PRKG1: variants seen among roughly 807,000 people sequenced by gnomAD.
The protein encoded by PRKG1 is cGMP-dependent protein kinase 1.
In PRKG1, 35 loss-of-function variants were observed where a neutral mutation model predicts 88.1. That is an observed-to-expected ratio of 0.40 (90% CI 0.30 to 0.53). The LOEUF (loss-of-function observed/expected upper bound fraction) is 0.53. PRKG1 is among the 20% of genes least tolerant of loss of function. The pLI is 0.59. For synonymous variants in PRKG1, 303 were observed against 292.5 expected, an observed-to-expected ratio of 1.04 and a Z score of -0.37; for missense variants, 540 against 839.8, an observed-to-expected ratio of 0.64 and a Z score of 4.41.
intron 2 of PRKG1, among the ~76,000 whole-genome samples, chr10:51,205,789 C>A (rs906204038): frequency 6.6e-6 from 1 of 152,174 alleles, no homozygotes; most frequent in South Asian, 2.1e-4. Flanking sequence ...CTGCCTCAGC[C>A]TCCCAAAGTG....
intron 9 of PRKG1, among the ~76,000 whole-genome samples, chr10:52,167,528 C>A (rs1350564664): frequency 6.6e-6 from 1 of 151,792 alleles, no homozygotes; most frequent in Non-Finnish European, 1.5e-5. Context: ...AGCTGACAAC[C>A]CAATGAATAG....
chr10:51,400,614 T>C (rs545460202), intron 2 of PRKG1, among the ~76,000 whole-genome samples: 1 of 152,308 alleles, frequency 6.6e-6, no homozygotes, highest in Non-Finnish European at 1.5e-5. Flanking sequence ...AGTAAACAAA[T>C]TGTAACTATA....
chr10:52,237,929 G>A (rs1473976972), intron 9 of PRKG1, among the ~76,000 whole-genome samples: 1 of 138,066 alleles, frequency 7.2e-6, no homozygotes, highest in Admixed American at 7.5e-5. Context: ...ATACTGCAAG[G>A]CTACAGTAAC....
chr10:52,099,351 T>C (rs1847245086), intron 7 of PRKG1, among the ~76,000 whole-genome samples: 1 of 152,162 alleles, frequency 6.6e-6, no homozygotes, highest in Non-Finnish European at 1.5e-5. Context: ...TGAGTCATTC[T>C]TTTACAGAAG....
At chr10:51,272,837 T>C (rs1330377550) in intron 2 of PRKG1, among the ~76,000 whole-genome samples, 1 of 152,148 alleles carries the variant, frequency 6.6e-6, no homozygotes, top group African/African-American at 2.4e-5. Context: ...TTAGCATAAA[T>C]AGGATCCATC....
At chr10:51,688,585 T>TTA (rs554020661) in intron 3 of PRKG1, among the ~76,000 whole-genome samples, 6 of 140,322 alleles carry the variant, frequency 4.3e-5, no homozygotes, top group Non-Finnish European at 9.1e-5. Context: ...TTTTTTTTTT[T>TTA]AGTGAAACAA....
chr10:52,033,245 T>A (rs1301278887), intron 5 of PRKG1, among the ~76,000 whole-genome samples: 1 of 152,296 alleles, frequency 6.6e-6, no homozygotes, highest in African/African-American at 2.4e-5. Context: ...AATGAGAAGA[T>A]TGCCTGGTGA....
At chr10:51,105,183 T>C (rs1328435870) in intron 1 of PRKG1, among the ~76,000 whole-genome samples, 1 of 152,222 alleles carries the variant, frequency 6.6e-6, no homozygotes, top group Admixed American at 6.5e-5. Context: ...GTCTTTCCTT[T>C]TGAAAAATGT....
chr10:51,961,617 T>C (rs1323696780), intron 5 of PRKG1, among the ~76,000 whole-genome samples: 3 of 152,216 alleles, frequency 2.0e-5, no homozygotes, highest in Non-Finnish European at 4.4e-5. Context: ...TTCTATGCTC[T>C]TTGAATAAAA....
At chr10:51,302,604 A>G (rs1840921924) in intron 2 of PRKG1, 2 of 151,274 alleles carry the variant, frequency 1.3e-5, no homozygotes, top group African/African-American at 4.9e-5. Context: ...TACCAAAACC[A>G]GGAATAGTTT....
In PRKG1 at chr10:51,268,870, G is replaced by A. The variant is rs555774206; in HGVS notation, c.478+115540G>A. Among the ~76,000 whole-genome samples, 29 of 152,248 alleles carry A rather than the reference G, an allele frequency of 1.9e-4. No individual in the cohort carries two copies. In the East Asian group the frequency reaches 2.7e-3, roughly 14 times the overall value. On this transcript the variant is annotated intron_variant, in intron 2 of 17. Transcript: ENST00000373980. Reference sequence around the variant, plus strand: ...GTTCAGAGATTCAGTAAAGACAGGCGTAAGACATTATAAAAGTATTAATTT... The same window carrying A: ...GTTCAGAGATTCAGTAAAGACAGGCATAAGACATTATAAAAGTATTAATTT...
intron 5 of PRKG1, among the ~76,000 whole-genome samples, chr10:51,959,156 A>G (rs1265720301): frequency 6.6e-6 from 1 of 152,172 alleles, no homozygotes; most frequent in Non-Finnish European, 1.5e-5. Flanking sequence ...TAATTCAGTA[A>G]TTAAAGATGA....
chr10:52,027,972 A>G (rs1444786939), intron 5 of PRKG1, among the ~76,000 whole-genome samples: 1 of 152,050 alleles, frequency 6.6e-6, no homozygotes, highest in Non-Finnish European at 1.5e-5. Flanking sequence ...TATTTTCAGT[A>G]GACGTGGGGT....
At chr10:51,026,378 CT>C (rs1292163279) in intron 1 of PRKG1, among the ~76,000 whole-genome samples, 2 of 152,252 alleles carry the variant, frequency 1.3e-5, no homozygotes, top group Admixed American at 6.5e-5. Flanking sequence ...CTTTTTCAGT[CT>C]CTCCAAATTC....
chr10:51,515,397 G>C (rs10997888), intron 3 of PRKG1, among the ~76,000 whole-genome samples: 1 of 152,170 alleles, frequency 6.6e-6, no homozygotes, highest in East Asian at 1.9e-4. Context: ...ATGACAAGTT[G>C]CAGCATGGAT....
At chr10:52,172,002 C>T (rs1488506099) in intron 9 of PRKG1, among the ~76,000 whole-genome samples, 2 of 150,888 alleles carry the variant, frequency 1.3e-5, no homozygotes, top group Non-Finnish European at 3.0e-5. Context: ...CGGGGTTTCA[C>T]CTTGTTAGCC....
chr10:51,255,282 A>G (rs1320152106), intron 2 of PRKG1, among the ~76,000 whole-genome samples: 2 of 152,084 alleles, frequency 1.3e-5, no homozygotes, highest in African/African-American at 2.4e-5. Flanking sequence ...GGTTTAAGCA[A>G]TTGATTTCAT....
At chr10:51,976,162 G>C (rs911145094) in intron 5 of PRKG1, among the ~76,000 whole-genome samples, 1 of 151,810 alleles carries the variant, frequency 6.6e-6, no homozygotes, top group Non-Finnish European at 1.5e-5. Context: ...ATATACTGTG[G>C]GAATGTAAAA....
rs569275761 is a variant in PRKG1 at position 51,803,762 on chromosome 10, G to T, written c.593-823G>T. Among the ~76,000 whole-genome samples, 41 of 152,096 alleles carry T rather than the reference G, an allele frequency of 2.7e-4. No individual in the cohort carries two copies. The East Asian group carries it at 7.9e-3, about 29-fold the overall frequency. Reference sequence around the variant, plus strand: ...GCTAGCTTAAAATATTTTATGTCATGAAAATTTGAAAACATATATAAAAGT... The same window carrying T: ...GCTAGCTTAAAATATTTTATGTCATTAAAATTTGAAAACATATATAAAAGT... On this transcript the variant is annotated intron_variant, in intron 3 of 17. Coordinates refer to ENST00000373980, the MANE Select transcript of PRKG1 (RefSeq NM_006258.4).
Sources: allele counts gnomAD v4.1 joint callset (sites outside exome capture counted in the v4.1 genomes callset), GRCh38; gene constraint gnomAD v4.1.1; transcripts MANE v1.5; gene names NCBI Gene and HGNC (gene_info 2026-07-23, HGNC 2026-07-21).